WDR86: variants seen among roughly 807,000 people sequenced by gnomAD.
WDR86 encodes WD repeat domain 86, also known as WD repeat-containing protein 86.
In WDR86, 30 loss-of-function variants were observed where a neutral mutation model predicts 36.5. The ratio of observed to expected loss-of-function variants is 0.82; its 90% CI spans 0.61 to 1.11. The LOEUF (loss-of-function observed/expected upper bound fraction) is 1.11, where lower values mean the gene tolerates loss of function less well. Ranked by LOEUF, WDR86 falls within the 50% of genes most tolerant of loss-of-function variation. The probability of loss-of-function intolerance (pLI) is 0.00; values close to 1 mark genes in which losing one functional copy is unlikely to be tolerated. For synonymous variants in WDR86, 255 were observed against 252.9 expected (o/e 1.01, Z -0.08); for missense variants, 545 against 561.2 (o/e 0.97, Z 0.29).
At position 151,395,933 on chromosome 7, in the gene WDR86, C is replaced by T. The variant is rs748023850; in HGVS notation, c.569G>A (p.Arg190Gln). ...VASGCCHQTL[R>Q]GHTGAVLCLV... ...GCACAGCACTGCACCCGTGTGGCCC[C>T]GCAGCGTCTGGTGGCAGCAGCCGCT... The change falls in exon 3 of 6, where the codon CGG becomes CAG. Residue 190 changes from arginine (R) to glutamine (Q), a missense_variant. Physicochemically the swap from Arg to Gln is conservative, Grantham distance 43. Transcript: ENST00000334493. The T allele has an allele frequency of 1.4e-5, 23 of 1,595,218 alleles. 1 individual carries two copies. The highest frequency in any genetic ancestry group is 1.1e-4 in the South Asian group (10 of 88,976).
downstream of WDR86, chr7:151,377,345 G>T: frequency 2.9e-6 from 2 of 681,980 alleles, no homozygotes; most frequent in Non-Finnish European, 4.7e-6. Context: ...GGGTGTAGGA[G>T]GGGGTGGGCA....
At chr7:151,398,389 G>A (rs1294040032) in intron 2 of WDR86, among the ~76,000 whole-genome samples, 1 of 149,972 alleles carries the variant, frequency 6.7e-6, no homozygotes, top group African/African-American at 2.5e-5. Flanking sequence ...TGTGTAAGTT[G>A]TGTGTATGGG....
downstream of WDR86, among the ~76,000 whole-genome samples, chr7:151,375,055 G>A (rs1025799628): frequency 2.0e-5 from 3 of 151,340 alleles, no homozygotes; most frequent in Admixed American, 1.3e-4. Flanking sequence ...TGGAGGGGGT[G>A]GGGTGCAGGG....
In WDR86 at chr7:151,395,650, G is replaced by A. The variant is rs1024300778; in HGVS notation, c.726+126C>T. ...CCCAGGACCGCAAGGCCTCCGTGGC[G>A]CTTGCCAGGCCCCCATCTGCAGCGC... is the stretch of plus-strand genomic sequence containing the variant. On this transcript the variant is annotated intron_variant, in intron 3 of 5. Coordinates refer to ENST00000334493, the MANE Select transcript of WDR86 (RefSeq NM_198285.3). 5.1e-5 allele frequency: 61 copies of A among 1,206,920 alleles called. 1 individual carries two copies. The Admixed American group carries it at 6.9e-4, about 14-fold the overall frequency. The allele number at this position is 1,206,920 out of a possible 1,614,324, so 74.8% of individuals were successfully genotyped here. A position where few individuals can be genotyped will look rare whatever the true frequency, so the allele number is the denominator to read the frequency against.
rs2150894859 is a variant in WDR86 at position 151,409,842 on chromosome 7, G to A, written c.-253C>T. On this transcript the variant is annotated 5_prime_UTR_variant, in exon 1 of 6. Transcript: ENST00000334493. This position sits in a 1 kb window ranked among gnomAD's most constrained non-coding sequence, Gnocchi z 5.2. ...GGACCTCCGCCCTGGGTAGAGTCCT[G>A]GGCGCGCGGGCAGAGAGAACCCCCT... 1 of 1,228,154 alleles carries A rather than the reference G, an allele frequency of 8.1e-7. No homozygotes were observed. Among genetic ancestry groups the A allele is most frequent in the East Asian group, 3.4e-5 (1 of 29,298 alleles). 76.1% of individuals were successfully genotyped at this position (1,228,154 alleles called of 1,614,324 possible). A position where few individuals can be genotyped will look rare whatever the true frequency, so the allele number is the denominator to read the frequency against.
At chr7:151,379,977 C>T (rs1798474069), downstream of WDR86, among the ~76,000 whole-genome samples, 3 of 152,336 alleles carry the variant, frequency 2.0e-5, no homozygotes, top group South Asian at 2.1e-4. Flanking sequence ...CCCTTCAGCA[C>T]GATGGAAAGG....
downstream of WDR86, among the ~76,000 whole-genome samples, chr7:151,373,103 C>T (rs1280376833): frequency 1.2e-4 from 18 of 152,098 alleles, no homozygotes; most frequent in Admixed American, 2.0e-4. Context: ...TGCAGGGAGG[C>T]GCCTGTTGCC....
At chr7:151,395,659 GC>G in intron 3 of WDR86, 116 bp downstream of exon 3, 3 of 1,273,512 alleles carry the variant, frequency 2.4e-6, no homozygotes, top group East Asian at 2.6e-5. Context: ...CGCTTGCCAG[GC>G]CCCCATCTGC....
chr7:151,409,831 G>A lies in WDR86; in HGVS notation c.-242C>T. 1.6e-6 allele frequency: 2 copies of A among 1,246,084 alleles called. No individual in the cohort carries two copies. Among genetic ancestry groups the A allele is most frequent in the South Asian group, 3.3e-5 (1 of 29,994 alleles). The allele number at this position is 1,246,084 out of a possible 1,614,324, so 77.2% of individuals were successfully genotyped here. A position where few individuals can be genotyped will look rare whatever the true frequency, so the allele number is the denominator to read the frequency against. On this transcript the variant is annotated 5_prime_UTR_variant, in exon 1 of 6. Coordinates refer to ENST00000334493, the MANE Select transcript of WDR86 (RefSeq NM_198285.3). This position sits in a 1 kb window ranked among gnomAD's most constrained non-coding sequence, Gnocchi z 5.2. ...CGGCCCACTCGGGACCTCCGCCCTG[G>A]GTAGAGTCCTGGGCGCGCGGGCAGA...
At chr7:151,374,141 C>T (rs1394722134), downstream of WDR86, 1 of 1,572,946 alleles carries the variant, frequency 6.4e-7, no homozygotes, top group Non-Finnish European at 8.6e-7. Context: ...AGAAAAGACG[C>T]CGCCTCGAGA....
At chr7:151,393,157 T>C (rs1799558453) in intron 3 of WDR86, among the ~76,000 whole-genome samples, 1 of 152,178 alleles carries the variant, frequency 6.6e-6, no homozygotes, top group African/African-American at 2.4e-5. Context: ...GCGTGGTATG[T>C]TTGTGGGCAT....
chr7:151,408,151 G>C (rs1221049360), intron 1 of WDR86, among the ~76,000 whole-genome samples: 1 of 151,096 alleles, frequency 6.6e-6, no homozygotes, highest in African/African-American at 2.4e-5. Context: ...ATCCCTGTTG[G>C]GTTTGAAATA....
At chr7:151,374,148 G>A (rs370093318), downstream of WDR86, 24 of 1,575,712 alleles carry the variant, frequency 1.5e-5, no homozygotes, top group Non-Finnish European at 1.9e-5. Context: ...ACGCCGCCTC[G>A]AGAACATCAG....
intron 3 of WDR86, among the ~76,000 whole-genome samples, chr7:151,394,290 G>A (rs762136437): frequency 2.0e-5 from 3 of 152,194 alleles, no homozygotes; most frequent in Non-Finnish European, 4.4e-5. Flanking sequence ...GCGAATGTGA[G>A]CCCTTCCCTG....
downstream of WDR86, among the ~76,000 whole-genome samples, chr7:151,379,488 A>C (rs7795959): frequency 0.53 from 80,189 of 151,870 alleles, 22,454 homozygotes; most frequent in Non-Finnish European, 0.63. Context: ...TTCTTCATTC[A>C]TAGCAAGGCG....
chr7:151,398,985 G>A (rs1460970641), intron 2 of WDR86, among the ~76,000 whole-genome samples: 6 of 152,162 alleles, frequency 3.9e-5, no homozygotes, highest in Non-Finnish European at 7.4e-5. Context: ...GAAGAGGCCA[G>A]TGGAGCTGTG....
rs1003400511 is a variant in WDR86 at position 151,401,928 on chromosome 7, A to G, written c.164-1687T>C. Among the ~76,000 whole-genome samples, 7 of 150,258 alleles carry G rather than the reference A, an allele frequency of 4.7e-5. No homozygotes were observed. The highest frequency in any genetic ancestry group is 1.5e-4 in the African/African-American group (6 of 40,744). On this transcript the variant is annotated intron_variant, in intron 1 of 5. Transcript: ENST00000334493. This position sits in a 1 kb window ranked among gnomAD's most constrained non-coding sequence, Gnocchi z 4.3. ...GCCGGGCGTGGTGGTGGGCGCCTGT[A>G]ATCCCAGCTACTCGGGAGGCTGAGG...
chr7:151,385,233 G>A lies in WDR86; in HGVS notation c.727-10C>T. 6.2e-7 allele frequency: 1 copy of A among 1,610,466 alleles called. No homozygotes were observed. Among genetic ancestry groups the A allele is most frequent in the Non-Finnish European group, 8.5e-7 (1 of 1,179,870 alleles). ...CGAGTCGGTTCACCAGCTGCGAGGA[G>A]GAGCAGGGAAGGTCGGCAGCTGGGG... On this transcript the variant is annotated splice_polypyrimidine_tract_variant and intron_variant, in intron 3 of 5. Coordinates refer to ENST00000334493, the MANE Select transcript of WDR86 (RefSeq NM_198285.3).
In WDR86 at chr7:151,392,078, C is replaced by T. The variant is rs534253904; in HGVS notation, c.726+3698G>A. On this transcript the variant is annotated intron_variant, in intron 3 of 5. Transcript: ENST00000334493. ...CCTTCCTTCTGCCAGCCCCTTCAGA[C>T]GCTCAGGGCAGGGCAAGGTGCTGCC... 1.4e-3 allele frequency among the ~76,000 whole-genome samples: 212 copies of T among 152,312 alleles called. 1 individual carries two copies. The highest frequency in any genetic ancestry group is 4.8e-3 in the African/African-American group (198 of 41,572).
Sources: gnomAD v4.1 joint callset for allele counts (sites outside exome capture counted in the v4.1 genomes callset) on GRCh38, gnomAD v4.1.1 for gene constraint, Gnocchi (gnomAD v3.1) non-coding constraint, MANE v1.5 for transcripts, NCBI Gene and HGNC (gene_info 2026-07-23, HGNC 2026-07-21) for gene names.